UBE2E2: variants seen among roughly 807,000 people sequenced by gnomAD.
The protein encoded by UBE2E2 is ubiquitin-conjugating enzyme E2 E2.
UBE2E2 carries 6 observed loss-of-function variants against 24.7 expected under a neutral mutation model. That is an observed-to-expected ratio of 0.24 (90% CI 0.13 to 0.48). The LOEUF (loss-of-function observed/expected upper bound fraction) is 0.48, where lower values mean the gene tolerates loss of function less well. UBE2E2 is among the 20% of genes least tolerant of loss of function. The probability of loss-of-function intolerance (pLI) is 0.99; values close to 1 mark genes in which losing one functional copy is unlikely to be tolerated. For missense variants in UBE2E2, 169 were observed against 245.0 expected (o/e 0.69, Z 2.07); for synonymous variants, 104 against 83.6 (o/e 1.24, Z -1.33).
chr3:23,241,255 A>G (rs1255619395), intron 3 of UBE2E2, among the ~76,000 whole-genome samples: 4 of 151,872 alleles, frequency 2.6e-5, no homozygotes, highest in Non-Finnish European at 5.9e-5. Flanking sequence ...CACTTTCTCC[A>G]TTGTTACTAT....
intron 5 of UBE2E2, among the ~76,000 whole-genome samples, chr3:23,581,637 A>G (rs555761123): frequency 6.6e-6 from 1 of 152,336 alleles, no homozygotes; most frequent in African/African-American, 2.4e-5. Flanking sequence ...TGGTGGAACT[A>G]AGTTAAAAAC....
intron 5 of UBE2E2, among the ~76,000 whole-genome samples, chr3:23,567,282 A>T (rs1418777584): frequency 3.3e-5 from 5 of 152,182 alleles, no homozygotes; most frequent in African/African-American, 4.8e-5. Flanking sequence ...CTGCCCACTT[A>T]CTTGGCTGAG....
intron 5 of UBE2E2, among the ~76,000 whole-genome samples, chr3:23,533,622 T>A (rs1031680437): frequency 7.0e-6 from 1 of 143,824 alleles, no homozygotes; most frequent in Non-Finnish European, 1.5e-5. Context: ...AATTAGTATT[T>A]TTTTTTTTTT....
At chr3:23,439,545 A>G (rs1202151728) in intron 3 of UBE2E2, among the ~76,000 whole-genome samples, 1 of 152,120 alleles carries the variant, frequency 6.6e-6, no homozygotes, top group African/African-American at 2.4e-5. Context: ...AGTCTCTAGG[A>G]CCCCAAAGAG....
intron 1 of UBE2E2, among the ~76,000 whole-genome samples, chr3:23,203,871 C>T (rs1297519745): frequency 6.6e-6 from 1 of 151,962 alleles, no homozygotes; most frequent in African/African-American, 2.4e-5. Flanking sequence ...TGCTATTTTC[C>T]CTAATTGCAT....
intron 3 of UBE2E2, among the ~76,000 whole-genome samples, chr3:23,328,205 A>G (rs1694957701): frequency 6.6e-6 from 1 of 152,214 alleles, no homozygotes; most frequent in Non-Finnish European, 1.5e-5. Flanking sequence ...CAAATTTCCT[A>G]ATTTGCAAAA....
chr3:23,434,890 T>C (rs1204513159), intron 3 of UBE2E2, among the ~76,000 whole-genome samples: 1 of 152,204 alleles, frequency 6.6e-6, no homozygotes, highest in African/African-American at 2.4e-5. Flanking sequence ...GAATGTTAGC[T>C]CATTAAAAAG....
In UBE2E2 at chr3:23,407,188, A is replaced by G. The variant is rs1294789774; in HGVS notation, c.228-92420A>G. On this transcript the variant is annotated intron_variant, in intron 3 of 5. Coordinates refer to ENST00000396703, the MANE Select transcript of UBE2E2 (RefSeq NM_152653.4). This position sits in a 1 kb window ranked among gnomAD's most constrained non-coding sequence, Gnocchi z 4.0. ...AACCCTGACTTTCAGAATGGCCTGGAAAAAAAAAAGGTCTTGACCACTGTG... is the reference window on the plus strand; with the variant it reads ...AACCCTGACTTTCAGAATGGCCTGGGAAAAAAAAAGGTCTTGACCACTGTG... Among the ~76,000 whole-genome samples, 1 of 149,350 alleles carries G rather than the reference A, an allele frequency of 6.7e-6. No individual in the cohort carries two copies. The highest frequency in any genetic ancestry group is 1.5e-5 in the Non-Finnish European group (1 of 67,070).
At chr3:23,540,339 A>T (rs1695362506) in intron 5 of UBE2E2, among the ~76,000 whole-genome samples, 1 of 152,168 alleles carries the variant, frequency 6.6e-6, no homozygotes, top group Non-Finnish European at 1.5e-5. Flanking sequence ...ACTAAAAGAT[A>T]CAGCATGTGC....
chr3:23,572,526 C>G (rs947945586), intron 5 of UBE2E2, among the ~76,000 whole-genome samples: 6 of 152,096 alleles, frequency 3.9e-5, no homozygotes, highest in Admixed American at 3.9e-4. Context: ...GCCCTTGCCC[C>G]CTTCCCCGAC....
intron 3 of UBE2E2, among the ~76,000 whole-genome samples, chr3:23,355,435 A>G (rs1484362148): frequency 6.6e-6 from 1 of 152,208 alleles, no homozygotes; most frequent in African/African-American, 2.4e-5. Context: ...CAACTTGGTA[A>G]GAAGGGAGGA....
chr3:23,520,273 G>T (rs967363771), intron 4 of UBE2E2, among the ~76,000 whole-genome samples: 3 of 152,116 alleles, frequency 2.0e-5, no homozygotes, highest in African/African-American at 4.8e-5. Context: ...AGTAATAATA[G>T]TACCCACCTT....
chr3:23,481,716 G>C (rs1394914898), intron 3 of UBE2E2, among the ~76,000 whole-genome samples: 1 of 152,200 alleles, frequency 6.6e-6, no homozygotes, highest in African/African-American at 2.4e-5. Flanking sequence ...CAACATGTTA[G>C]CAGACACTGT....
intron 3 of UBE2E2, among the ~76,000 whole-genome samples, chr3:23,374,052 A>T (rs1392392911): frequency 6.6e-6 from 1 of 152,208 alleles, no homozygotes; most frequent in Admixed American, 6.5e-5. Context: ...CTGCCCACAC[A>T]ATGGATGTGA....
intron 5 of UBE2E2, among the ~76,000 whole-genome samples, chr3:23,547,253 TTTAGTA>T (rs1695546426): frequency 6.6e-6 from 1 of 152,154 alleles, no homozygotes; most frequent in Non-Finnish European, 1.5e-5. Context: ...TGTCCAGCTG[TTTAGTA>T]GGTTCTTGGT....
chr3:23,219,845 AT>A (rs1054711342), intron 3 of UBE2E2, among the ~76,000 whole-genome samples: 1 of 151,892 alleles, frequency 6.6e-6, no homozygotes, highest in African/African-American at 2.4e-5. Flanking sequence ...GTGGAGAACG[AT>A]TTTTTCTACT....
intron 3 of UBE2E2, among the ~76,000 whole-genome samples, chr3:23,334,074 T>A (rs941204109): frequency 2.6e-5 from 4 of 152,194 alleles, no homozygotes; most frequent in Admixed American, 6.5e-5. Context: ...GTTTCTATCC[T>A]TACTCAAAAC....
chr3:23,213,549 G>T (rs780914367), intron 2 of UBE2E2, among the ~76,000 whole-genome samples: 1 of 152,064 alleles, frequency 6.6e-6, no homozygotes, highest in Non-Finnish European at 1.5e-5. Context: ...CTTGTCTCAG[G>T]AACAATGGGC....
chr3:23,523,750 G>T (rs1250090281), intron 4 of UBE2E2, among the ~76,000 whole-genome samples: 1 of 151,828 alleles, frequency 6.6e-6, no homozygotes, highest in Non-Finnish European at 1.5e-5. Context: ...ATTAATTTTA[G>T]GGTGTATGTT....
Sources: gnomAD v4.1 joint callset for allele counts (sites outside exome capture counted in the v4.1 genomes callset) on GRCh38, gnomAD v4.1.1 for gene constraint, Gnocchi (gnomAD v3.1) non-coding constraint, MANE v1.5 for transcripts, NCBI Gene and HGNC (gene_info 2026-07-23, HGNC 2026-07-21) for gene names.